Variants in KIDINS220 observed in about 807,000 individuals in gnomAD.
The protein encoded by KIDINS220 is kinase D interacting substrate 220.
In KIDINS220, 63 loss-of-function variants were observed where a neutral mutation model predicts 157.6. That is an observed-to-expected ratio of 0.40 (90% CI 0.33 to 0.49). The LOEUF (loss-of-function observed/expected upper bound fraction) is 0.49. KIDINS220 is among the 20% of genes least tolerant of loss of function. The pLI is 0.66. For synonymous variants in KIDINS220, 732 were observed against 783.6 expected, an observed-to-expected ratio of 0.93 and a Z score of 1.10; for missense variants, 1,772 against 2,171.2, an observed-to-expected ratio of 0.82 and a Z score of 3.65.
Position 8,794,820 on chromosome 2 carries a change from A to G in KIDINS220, c.1099-833T>C, listed in dbSNP as rs115648822. Among the ~76,000 whole-genome samples, 100 of 152,300 alleles carry G rather than the reference A, an allele frequency of 6.6e-4. 2 individuals carry two copies. The highest frequency in any genetic ancestry group is 6.8e-3 in the Middle Eastern group (2 of 294). The stretch of plus-strand genomic sequence containing the variant: ...ATCTCCAGGACACTAAATGAAAATG[A>G]CCTACACATTCTTCCTGTGGCTTCC... On this transcript the variant is annotated intron_variant, in intron 11 of 29. Coordinates refer to ENST00000256707, the MANE Select transcript of KIDINS220 (RefSeq NM_020738.4).
In KIDINS220 at chr2:8,770,766, G is replaced by A. The variant is rs571721236; in HGVS notation, c.2915C>T (p.Thr972Ile). 6.2e-7 allele frequency: 1 copy of A among 1,612,516 alleles called. No homozygotes were observed. The highest frequency in any genetic ancestry group is 1.3e-5 in the African/African-American group (1 of 75,014). Residue 972 changes from threonine (T) to isoleucine (I), a missense_variant, in exon 22 of 30, where the codon ACT becomes ATT. Transcript: ENST00000256707. ...TGAAGTCCGGTATGGCCACTGCTCA[G>A]TAAGGTTGATCCAGCTAGCAAGCCT... is the stretch of plus-strand genomic sequence containing the variant. ...WDRLASWINL[T>I]EQWPYRTSWL...
downstream of KIDINS220, chr2:8,722,893 G>A (rs1258546167): frequency 2.6e-5 from 4 of 152,154 alleles, no homozygotes; most frequent in South Asian, 6.2e-4. Flanking sequence ...AATTTATTTC[G>A]TTTCTTGGAT....
intron 6 of KIDINS220, among the ~76,000 whole-genome samples, chr2:8,810,430 C>T (rs1050710995): frequency 6.6e-6 from 1 of 152,136 alleles, no homozygotes; most frequent in Non-Finnish European, 1.5e-5. Flanking sequence ...GAAAGCCAAG[C>T]TATATGGAAA....
intron 2 of KIDINS220, among the ~76,000 whole-genome samples, chr2:8,820,266 T>C (rs1290925403): frequency 6.6e-6 from 1 of 152,208 alleles, no homozygotes; most frequent in African/African-American, 2.4e-5. Flanking sequence ...CACATTTTCA[T>C]TGTGTGATTA....
intron 15 of KIDINS220, among the ~76,000 whole-genome samples, chr2:8,787,543 A>AT (rs1412551173): frequency 2.0e-5 from 3 of 151,440 alleles, no homozygotes; most frequent in Non-Finnish European, 2.9e-5. Flanking sequence ...TAATTTTTCT[A>AT]TTTTTTGTAG....
chr2:8,796,621 C>T (rs1297614778), intron 11 of KIDINS220, 150 bp downstream of exon 11: 1 of 692,452 alleles, frequency 1.4e-6, no homozygotes. Flanking sequence ...CAGCACACTA[C>T]TGTGTGGGAT....
At chr2:8,778,244 C>T (rs1261425729) in intron 20 of KIDINS220, among the ~76,000 whole-genome samples, 3 of 152,178 alleles carry the variant, frequency 2.0e-5, no homozygotes, top group African/African-American at 7.2e-5. Flanking sequence ...TTAGGGAAGG[C>T]TGGCCAACAG....
chr2:8,771,217 G>T (rs1436638089), intron 21 of KIDINS220, among the ~76,000 whole-genome samples: 1 of 152,168 alleles, frequency 6.6e-6, no homozygotes, highest in Non-Finnish European at 1.5e-5. Context: ...CATCTGCTGA[G>T]ATCCTATTGA....
chr2:8,791,424 A>G (rs1460636832), intron 12 of KIDINS220, among the ~76,000 whole-genome samples, 200 bp from the exon 13 acceptor site: 1 of 152,248 alleles, frequency 6.6e-6, no homozygotes, highest in Non-Finnish European at 1.5e-5. Flanking sequence ...TTCTTAAATT[A>G]CTATCGTATT....
intron 23 of KIDINS220, among the ~76,000 whole-genome samples, chr2:8,750,810 C>T (rs991442277): frequency 6.6e-6 from 1 of 152,164 alleles, no homozygotes; most frequent in Non-Finnish European, 1.5e-5. Flanking sequence ...AGCCTTGTAA[C>T]AGGTACCTAG....
intron 22 of KIDINS220, among the ~76,000 whole-genome samples, chr2:8,758,235 C>A (rs1475527876): frequency 6.6e-6 from 1 of 152,298 alleles, no homozygotes; most frequent in East Asian, 1.9e-4. Flanking sequence ...ACTTTTCCAA[C>A]CTGTAATCTG....
At chr2:8,765,862 C>T (rs1669416943) in intron 22 of KIDINS220, among the ~76,000 whole-genome samples, 1 of 152,138 alleles carries the variant, frequency 6.6e-6, no homozygotes, top group Non-Finnish European at 1.5e-5. Context: ...CTCCACCATG[C>T]CCGACTCTAT....
chr2:8,724,454 G>A (rs1663154363), downstream of KIDINS220: 1 of 152,098 alleles, frequency 6.6e-6, no homozygotes, highest in South Asian at 2.1e-4. This position sits in a 1 kb window ranked among gnomAD's most constrained non-coding sequence, Gnocchi z 4.6. Context: ...CACCATGTTG[G>A]CTAGGTTGGT....
At chr2:8,740,067 T>C (rs1237290089) in intron 26 of KIDINS220, 2 of 503,236 alleles carry the variant, frequency 4.0e-6, no homozygotes, top group Non-Finnish European at 5.1e-6. Flanking sequence ...GAGCACAGAT[T>C]TATAGACAGC....
At chr2:8,806,587 T>C (rs1675489059) in intron 6 of KIDINS220, among the ~76,000 whole-genome samples, 1 of 152,186 alleles carries the variant, frequency 6.6e-6, no homozygotes, top group East Asian at 1.9e-4. Flanking sequence ...CAACCTTATT[T>C]AACCTTTTCT....
At chr2:8,737,072 G>A in intron 26 of KIDINS220, 73 bp from the exon 27 acceptor site, 5 of 1,417,818 alleles carry the variant, frequency 3.5e-6, no homozygotes, top group Non-Finnish European at 2.9e-6. Flanking sequence ...ATGTGACAGA[G>A]AAAAACTCAT....
intron 22 of KIDINS220, among the ~76,000 whole-genome samples, chr2:8,766,037 T>TCCA (rs1669441706): frequency 6.6e-6 from 1 of 152,084 alleles, no homozygotes; most frequent in African/African-American, 2.4e-5. Context: ...GCTGCACTGA[T>TCCA]ACAGCAAATA....
intron 26 of KIDINS220, among the ~76,000 whole-genome samples, chr2:8,740,460 T>A (rs1195670915): frequency 1.3e-5 from 2 of 152,148 alleles, no homozygotes; most frequent in Non-Finnish European, 2.9e-5. Context: ...GAATAAATCA[T>A]GAGCCATACA....
chr2:8,832,320 T>C (rs1679758260), intron 1 of KIDINS220, among the ~76,000 whole-genome samples: 1 of 152,216 alleles, frequency 6.6e-6, no homozygotes, highest in African/African-American at 2.4e-5. Context: ...ACTGAATAAT[T>C]GATTATTAAA....
Sources: allele counts gnomAD v4.1 joint callset (sites outside exome capture counted in the v4.1 genomes callset), GRCh38; gene constraint gnomAD v4.1.1; non-coding constraint Gnocchi (gnomAD v3.1); transcripts MANE v1.5; gene names NCBI Gene and HGNC (gene_info 2026-07-23, HGNC 2026-07-21).